The following KIF6 variants were observed in gnomAD, a reference collection of about 807,000 sequenced individuals.
The protein encoded by KIF6 is kinesin-like protein KIF6.
A neutral mutation model predicts 112.7 loss-of-function variants in KIF6; 106 were observed. That is an observed-to-expected ratio of 0.94 (90% confidence interval 0.80 to 1.11). KIF6 has a LOEUF of 1.11. KIF6 is among the 50% of genes least tolerant of loss of function. KIF6 has a pLI of 0.00. For synonymous variants in KIF6, 339 were observed against 339.9 expected, an observed-to-expected ratio of 1.00 and a Z score of 0.03; for missense variants, 929 against 964.0, an observed-to-expected ratio of 0.96 and a Z score of 0.48.
chr6:39,473,274 A>G (rs1774241047), intron 13 of KIF6, among the ~76,000 whole-genome samples: 1 of 152,242 alleles, frequency 6.6e-6, no homozygotes, highest in Non-Finnish European at 1.5e-5. Flanking sequence ...AAGAAAAGAA[A>G]AAAAGGATAA....
At position 39,575,238 on chromosome 6, in the gene KIF6, G is replaced by A. The variant is rs116545850; in HGVS notation, c.1181+2818C>T. On this transcript the variant is annotated intron_variant, in intron 10 of 22. Transcript: ENST00000287152. ...AGCAGCTTGTCTGGGATGAGGGGCT[G>A]AAGCAGCTGCCAGTGCTTGAGCGTC... 9.7e-3 allele frequency among the ~76,000 whole-genome samples: 1,466 copies of A among 151,826 alleles called. 32 individuals carry two copies. Among genetic ancestry groups the A allele is most frequent in the African/African-American group, 0.033 (1,359 of 41,388 alleles).
chr6:39,375,592 T>C (rs934977684), intron 16 of KIF6, among the ~76,000 whole-genome samples: 1 of 152,196 alleles, frequency 6.6e-6, no homozygotes, highest in Non-Finnish European at 1.5e-5. Context: ...CCCTTGGACG[T>C]TGGCACTCTG....
chr6:39,411,420 T>G (rs1769467035), intron 15 of KIF6, among the ~76,000 whole-genome samples: 1 of 152,240 alleles, frequency 6.6e-6, no homozygotes, highest in Non-Finnish European at 1.5e-5. Context: ...TCATCAGGTT[T>G]ATGTTTCTAA....
chr6:39,337,216 T>TTTCTTTCTTTC (rs1763059262), intron 22 of KIF6, among the ~76,000 whole-genome samples: 1 of 111,066 alleles, frequency 9.0e-6, no homozygotes, highest in African/African-American at 5.9e-5. Context: ...TCTTTCTTTC[T>TTTCTTTCTTTC]TTCTTTCTTT....
rs1463115134 is a variant in KIF6, at chr6:39,622,115, C to G, written c.510-8797G>C. 2.7e-5 allele frequency among the ~76,000 whole-genome samples: 4 copies of G among 149,188 alleles called. No homozygotes were observed. The East Asian group carries it at 7.9e-4, about 30-fold the overall frequency. On this transcript the variant is annotated intron_variant, in intron 5 of 22. Coordinates refer to ENST00000287152, the MANE Select transcript of KIF6 (RefSeq NM_145027.6). ...CCAGAAGGCGGAGGTTGCAGTGAGC[C>G]AAGATCACACCACTGCACTCCAGCC...
chr6:39,441,148 CT>C (rs1412423997), intron 13 of KIF6, among the ~76,000 whole-genome samples: 5 of 152,150 alleles, frequency 3.3e-5, no homozygotes, highest in African/African-American at 9.7e-5. Context: ...TATGTTACCG[CT>C]TTCACTCTTC....
chr6:39,509,369 T>C (rs1369112892), intron 13 of KIF6, among the ~76,000 whole-genome samples: 2 of 152,134 alleles, frequency 1.3e-5, no homozygotes, highest in Non-Finnish European at 2.9e-5. Context: ...CAAAACTGGA[T>C]GGAGAATGAG....
At chr6:39,389,988 G>A (rs534413893) in intron 15 of KIF6, among the ~76,000 whole-genome samples, 38 of 141,326 alleles carry the variant, frequency 2.7e-4, no homozygotes, top group East Asian at 1.4e-3. Context: ...CCAAGATCGC[G>A]CCGCTGCACT....
intron 15 of KIF6, among the ~76,000 whole-genome samples, chr6:39,398,708 C>T (rs917793944): frequency 6.6e-6 from 1 of 152,168 alleles, no homozygotes; most frequent in Non-Finnish European, 1.5e-5. Context: ...AAACACAGAT[C>T]GGGTGCTTCT....
intron 13 of KIF6, among the ~76,000 whole-genome samples, chr6:39,500,629 C>T (rs1776069915): frequency 6.6e-6 from 1 of 152,176 alleles, no homozygotes; most frequent in South Asian, 2.1e-4. Flanking sequence ...AAAATGAGGA[C>T]AACAATGTTA....
chr6:39,719,347 A>AGG (rs1561959398), intron 2 of KIF6, among the ~76,000 whole-genome samples: 1 of 149,896 alleles, frequency 6.7e-6, no homozygotes, highest in African/African-American at 2.5e-5. Flanking sequence ...TAAAAAGAAA[A>AGG]AGAGAGAGAG....
At chr6:39,443,018 G>A (rs1048957698) in intron 13 of KIF6, among the ~76,000 whole-genome samples, 10 of 151,664 alleles carry the variant, frequency 6.6e-5, no homozygotes, top group African/African-American at 2.4e-4. Context: ...GGAGGCTGAG[G>A]CAGAAGAATG....
intron 22 of KIF6, among the ~76,000 whole-genome samples, chr6:39,337,541 G>GCTGTTCCATGA (rs1208371213): frequency 2.6e-5 from 4 of 152,018 alleles, no homozygotes; most frequent in Non-Finnish European, 4.4e-5. Context: ...TCAAATTCCT[G>GCTGTTCCATGA]AGCTTAAGTG....
intron 16 of KIF6, among the ~76,000 whole-genome samples, chr6:39,377,087 A>C (rs966129474): frequency 6.6e-6 from 1 of 151,732 alleles, no homozygotes; most frequent in African/African-American, 2.4e-5. Flanking sequence ...TTTCTTTTTT[A>C]TTTTTTTAAA....
At chr6:39,504,480 T>A (rs986468240) in intron 13 of KIF6, among the ~76,000 whole-genome samples, 2 of 152,222 alleles carry the variant, frequency 1.3e-5, no homozygotes, top group Non-Finnish European at 2.9e-5. Flanking sequence ...TTCAACATAG[T>A]ATTGGAAATC....
intron 13 of KIF6, among the ~76,000 whole-genome samples, chr6:39,480,414 G>A (rs1774726237): frequency 6.6e-6 from 1 of 152,144 alleles, no homozygotes; most frequent in Non-Finnish European, 1.5e-5. Context: ...ACTTGATCAT[G>A]GTGGATTATC....
At chr6:39,368,574 A>AGT (rs1765742383) in intron 16 of KIF6, among the ~76,000 whole-genome samples, 1 of 152,184 alleles carries the variant, frequency 6.6e-6, no homozygotes, top group Non-Finnish European at 1.5e-5. Context: ...GCTGAGAGAC[A>AGT]GTCTTAGTGT....
chr6:39,443,853 A>C (rs1249143000), intron 13 of KIF6, among the ~76,000 whole-genome samples: 1 of 152,222 alleles, frequency 6.6e-6, no homozygotes, highest in Non-Finnish European at 1.5e-5. Context: ...CTGTTTCCTT[A>C]GCTTGTAAGT....
At chr6:39,370,284 G>A (rs1270128112) in intron 16 of KIF6, among the ~76,000 whole-genome samples, 2 of 152,204 alleles carry the variant, frequency 1.3e-5, no homozygotes, top group African/African-American at 2.4e-5. Flanking sequence ...CTTTTGGGGA[G>A]AGCAGTTTTT....
Sources: allele counts gnomAD v4.1 joint callset (sites outside exome capture counted in the v4.1 genomes callset), GRCh38; gene constraint gnomAD v4.1.1; transcripts MANE v1.5; gene names NCBI Gene and HGNC (gene_info 2026-07-23, HGNC 2026-07-21).